MSH5: variants seen among roughly 807,000 people sequenced by gnomAD.
MSH5 encodes the protein mutS protein homolog 5.
MSH5 carries 78 observed loss-of-function variants against 107.7 expected under a neutral mutation model. The ratio of observed to expected loss-of-function variants is 0.72; its 90% CI spans 0.60 to 0.87. MSH5 has a LOEUF of 0.87. MSH5 is among the 40% of genes least tolerant of loss of function. The probability of loss-of-function intolerance (pLI) is 0.00; values close to 1 mark genes in which losing one functional copy is unlikely to be tolerated. For missense variants in MSH5, 889 were observed against 1,046.6 expected, an observed-to-expected ratio of 0.85 and a Z score of 2.08; for synonymous variants, 326 against 399.5, an observed-to-expected ratio of 0.82 and a Z score of 2.19.
chr6:31,752,589 G>T (rs1171116064), intron 10 of MSH5, among the ~76,000 whole-genome samples: 2 of 151,146 alleles, frequency 1.3e-5, no homozygotes, highest in Admixed American at 6.6e-5. Flanking sequence ...GCATGGTGGC[G>T]CATACCTGCA....
Position 31,762,495 on chromosome 6 carries a change from C to G in MSH5, c.2469C>G (p.Ser823Arg). The G allele has an allele frequency of 6.2e-7, 1 of 1,614,006 alleles. No individual in the cohort carries two copies. The highest frequency in any genetic ancestry group is 8.5e-7 in the Non-Finnish European group (1 of 1,179,934). ...DPNLDLNVFM[S>R]QEVLPAATSI... ...ACCTGGACTTGAACGTTTTCATGAG[C>G]CAGGAAGTGCTGCCTGCTGCCACCA... Residue 823 changes from serine (S) to arginine (R), a missense_variant, in exon 25 of 25, where the codon AGC (serine) becomes AGG (arginine). By Grantham distance (110) the Ser-to-Arg change is moderately radical. Coordinates refer to ENST00000375750, the MANE Select transcript of MSH5 (RefSeq NM_172166.4).
At position 31,760,122 on chromosome 6, in the gene MSH5, T is replaced by G. The variant is rs1376829405; in HGVS notation, c.1718T>G (p.Phe573Cys). The G allele has an allele frequency of 6.2e-7, 1 of 1,608,162 alleles. No individual in the cohort carries two copies. Among genetic ancestry groups the G allele is most frequent in the South Asian group, 1.1e-5 (1 of 89,964 alleles). ...CTGATGGAACTCTGTGCCCGAACCT[T>G]TGTGCCCAACTCCACAGAATGTGGT... ...HPLMELCART[F>C]VPNSTECGGD... Residue 573 changes from phenylalanine to cysteine, a missense_variant, in exon 19 of 25, where the codon TTT becomes TGT. By Grantham distance (205) the Phe-to-Cys change is radical. This residue lies in a region of MSH5 where 362 missense variants were observed against 456.2 expected (regional missense o/e 0.79). Transcript: ENST00000375750. This position sits in a 1 kb window ranked among gnomAD's most constrained non-coding sequence, Gnocchi z 5.6.
intron 10 of MSH5, among the ~76,000 whole-genome samples, chr6:31,748,760 C>T (rs914400717): frequency 2.0e-5 from 3 of 152,136 alleles, no homozygotes; most frequent in African/African-American, 7.2e-5. Context: ...GTTCAGGGTC[C>T]ATCACGTTTA....
intron 24 of MSH5, 66 bp from the exon 25 acceptor site, chr6:31,762,354 T>TC: frequency 7.3e-7 from 1 of 1,363,072 alleles, no homozygotes. Context: ...CCACAGCCTC[T>TC]CCCCTCTGCC....
chr6:31,762,490 A>G lies in MSH5; in HGVS notation c.2464A>G (p.Met822Val), dbSNP rs199880617. 3.7e-6 allele frequency: 6 copies of G among 1,614,124 alleles called. No homozygotes were observed. In the African/African-American group the frequency reaches 6.7e-5, roughly 18 times the overall value. Residue 822 changes from methionine to valine, a missense_variant, in exon 25 of 25, where the codon ATG becomes GTG. Around this residue, in one of 3 missense-constraint regions of MSH5, gnomAD observed 362 missense variants for 456.2 expected, o/e 0.79. Transcript: ENST00000375750. The part of the protein sequence containing the change: ...EDPNLDLNVF[M>V]SQEVLPAATS... ...TCCTAACCTGGACTTGAACGTTTTC[A>G]TGAGCCAGGAAGTGCTGCCTGCTGC...
intron 10 of MSH5, among the ~76,000 whole-genome samples, chr6:31,752,718 CA>C (rs9279408): frequency 0.67 from 83,056 of 124,432 alleles, 25,832 homozygotes; most frequent in Middle Eastern, 0.87. Context: ...GACTCTGTCT[CA>C]AAAAAAAAAA....
intron 7 of MSH5, 24 bp downstream of exon 7, chr6:31,744,323 A>G: frequency 1.2e-6 from 2 of 1,613,756 alleles, no homozygotes; most frequent in East Asian, 2.2e-5. Flanking sequence ...CCCAACCCCA[A>G]CCAAAGTAAT....
rs1200770161 is a variant in MSH5 at position 31,753,452 on chromosome 6, T to C, written c.951+13T>C. On this transcript the variant is annotated intron_variant, in intron 11 of 24. Coordinates refer to ENST00000375750, the MANE Select transcript of MSH5 (RefSeq NM_172166.4). ...CAAGAACGTGCCTGTGAGCCCAGGG[T>C]GGAGGGCAGGGAGGTGGGGAAGGAG... is the stretch of plus-strand genomic sequence containing the variant. The C allele has an allele frequency of 7.4e-6, 12 of 1,612,462 alleles. No homozygotes were observed. The highest frequency in any genetic ancestry group is 9.3e-6 in the Non-Finnish European group (11 of 1,178,982).
In MSH5 at chr6:31,740,335, G is replaced by C; in HGVS notation, c.-13-119G>C. ...TGTCCACAGCTCTCCACGCCCCTCA[G>C]CCCTGCCCCGCAGCCCTGTAGCAGA... On this transcript the variant is annotated intron_variant, in intron 1 of 24. Transcript: ENST00000375750. The surrounding 1 kb of genome is among the most constrained non-coding windows in gnomAD (Gnocchi z 4.4). 1 of 1,085,354 alleles carries C rather than the reference G, an allele frequency of 9.2e-7. No homozygotes were observed. The highest frequency in any genetic ancestry group is 1.3e-6 in the Non-Finnish European group (1 of 770,016). The allele number at this position is 1,085,354 out of a possible 1,614,324, so 67.2% of individuals were successfully genotyped here. A position where few individuals can be genotyped will look rare whatever the true frequency, so the allele number is the denominator to read the frequency against.
intron 8 of MSH5, among the ~76,000 whole-genome samples, chr6:31,744,840 G>C (rs923583903): frequency 1.3e-5 from 2 of 152,056 alleles, no homozygotes; most frequent in East Asian, 3.9e-4. Flanking sequence ...TCGGCTGGGC[G>C]CGGTGGCTCA....
At chr6:31,752,461 G>A (rs1227722044) in intron 10 of MSH5, among the ~76,000 whole-genome samples, 3 of 151,668 alleles carry the variant, frequency 2.0e-5, no homozygotes, top group Non-Finnish European at 4.4e-5. Context: ...GGTGACTCAC[G>A]CCTGTAATCC....
rs755330161 is a variant in MSH5, at chr6:31,758,527, A to G, written c.1144-21A>G. On this transcript the variant is annotated intron_variant, in intron 13 of 24. Coordinates refer to ENST00000375750, the MANE Select transcript of MSH5 (RefSeq NM_172166.4). The surrounding 1 kb of genome is among the most constrained non-coding windows in gnomAD (Gnocchi z 5.1). ...AGGACAGAGGGTGCCAGGTCCTAAG[A>G]AACAGTACTTATCTCCTCAGGTGGA... is the stretch of plus-strand genomic sequence containing the variant. 6.2e-7 allele frequency: 1 copy of G among 1,612,998 alleles called. No homozygotes were observed. The highest frequency in any genetic ancestry group is 1.1e-5 in the South Asian group (1 of 91,084).
chr6:31,754,031 CTT>C (rs924783303), intron 12 of MSH5: 6 of 158,730 alleles, frequency 3.8e-5, no homozygotes, highest in East Asian at 1.6e-4. Flanking sequence ...CGGCCTCCCT[CTT>C]TTTTTTTTTA....
Position 31,760,607 on chromosome 6 carries a change from T to C in MSH5, c.1813-83T>C, listed in dbSNP as rs1810903319. ...CTGTTTCACCCTGTCCATTTCTCTT[T>C]GATGTGCCATTCATGCCTTGAGCCT... On this transcript the variant is annotated intron_variant, in intron 19 of 24. Transcript: ENST00000375750. The surrounding 1 kb of genome is among the most constrained non-coding windows in gnomAD (Gnocchi z 5.6). The C allele has an allele frequency of 6.4e-7, 1 of 1,553,770 alleles. No individual in the cohort carries two copies. Among genetic ancestry groups the C allele is most frequent in the Non-Finnish European group, 8.9e-7 (1 of 1,128,556 alleles).
chr6:31,759,707 A>G lies in MSH5; in HGVS notation c.1496-79A>G. 1 of 1,513,804 alleles carries G rather than the reference A, an allele frequency of 6.6e-7. No individual in the cohort carries two copies. Among genetic ancestry groups the G allele is most frequent in the Non-Finnish European group, 9.0e-7 (1 of 1,111,540 alleles). 93.8% of individuals were successfully genotyped at this position (1,513,804 alleles called of 1,614,324 possible). ...CAGATTGTATCTGCAACCTGTTTCCAGATCCCCCTAGGGGCCTCTGCCTCT... is the reference window on the plus strand; with the variant it reads ...CAGATTGTATCTGCAACCTGTTTCCGGATCCCCCTAGGGGCCTCTGCCTCT... On this transcript the variant is annotated intron_variant, in intron 17 of 24. Coordinates refer to ENST00000375750, the MANE Select transcript of MSH5 (RefSeq NM_172166.4). This position sits in a 1 kb window ranked among gnomAD's most constrained non-coding sequence, Gnocchi z 4.7.
At chr6:31,748,442 G>A (rs771812359) in intron 10 of MSH5, among the ~76,000 whole-genome samples, 57 of 145,686 alleles carry the variant, frequency 3.9e-4, no homozygotes, top group Non-Finnish European at 7.5e-4. Flanking sequence ...TCCACTTCCC[G>A]GGTTCAAGCA....
At position 31,762,635 on chromosome 6, in the gene MSH5, A is replaced by G. The variant is rs1811126971; in HGVS notation, c.*104A>G. ...GACGCAGAGTTTTTAGTTTCTCTAG[A>G]AATTTTGTTTCATATTAGGAATAAA... On this transcript the variant is annotated 3_prime_UTR_variant, in exon 25 of 25. Transcript: ENST00000375750. The G allele has an allele frequency of 1.4e-6, 1 of 707,094 alleles. No homozygotes were observed. 43.8% of individuals were successfully genotyped at this position (707,094 alleles called of 1,614,324 possible).
In MSH5 at chr6:31,759,179, T is replaced by G; in HGVS notation, c.1407+2T>G. On this transcript the variant is annotated splice_donor_variant, in intron 16 of 24. Transcript: ENST00000375750. LOFTEE classifies it high-confidence loss of function. This position sits in a 1 kb window ranked among gnomAD's most constrained non-coding sequence, Gnocchi z 4.7. Reference sequence around the variant, plus strand: ...GAGATTAATGGACTGGACTTCATGGTAAGACCCTCAACCTCTGTAAGGTGA... The same window carrying G: ...GAGATTAATGGACTGGACTTCATGGGAAGACCCTCAACCTCTGTAAGGTGA... 6.2e-7 allele frequency: 1 copy of G among 1,612,152 alleles called. No individual in the cohort carries two copies. Among genetic ancestry groups the G allele is most frequent in the East Asian group, 2.2e-5 (1 of 44,872 alleles).
rs761833682 is a variant in MSH5, at chr6:31,740,527, T to G, written c.61T>G (p.Ser21Ala). 1.3e-6 allele frequency: 2 copies of G among 1,543,880 alleles called. No homozygotes were observed. Among genetic ancestry groups the G allele is most frequent in the Admixed American group, 4.0e-5 (2 of 50,412 alleles). ...GCAGGGACCGAGACCTGGGGCGGCC[T>G]CCTCCGGCTTCCCCAGCCCGGCCCC... ...TPQGPRPGAA[S>A]SGFPSPAPVP... Residue 21 changes from serine (S) to alanine (A), a missense_variant, in exon 2 of 25, where the codon TCC becomes GCC. Physicochemically the swap from Ser to Ala is moderately conservative, Grantham distance 99. Transcript: ENST00000375750. The surrounding 1 kb of genome is among the most constrained non-coding windows in gnomAD (Gnocchi z 4.4).
Sources: gnomAD v4.1 joint callset for allele counts (sites outside exome capture counted in the v4.1 genomes callset) on GRCh38, gnomAD v4.1.1 for gene constraint, gnomAD v4.1.1 regional missense constraint, Gnocchi (gnomAD v3.1) non-coding constraint, MANE v1.5 for transcripts, NCBI Gene and HGNC (gene_info 2026-07-23, HGNC 2026-07-21) for gene names.